TDRD12: variants seen among roughly 807,000 people sequenced by gnomAD.
TDRD12 encodes tudor domain containing 12.
A neutral mutation model predicts 133.5 loss-of-function variants in TDRD12; 158 were observed. The ratio of observed to expected loss-of-function variants is 1.18; its 90% CI spans 1.04 to 1.35. The LOEUF is 1.35. TDRD12 is among the 40% of genes most tolerant of loss of function. The pLI is 0.00. For synonymous variants in TDRD12, 460 were observed against 477.9 expected (o/e 0.96, Z 0.49); for missense variants, 1,443 against 1,321.3 (o/e 1.09, Z -1.43).
chr19:32,805,165 T>C (rs2097950076), intron 21 of TDRD12, among the ~76,000 whole-genome samples: 1 of 129,640 alleles, frequency 7.7e-6, no homozygotes, highest in African/African-American at 2.9e-5. Flanking sequence ...ATATATGTTA[T>C]ATATTATATA....
Position 32,790,817 on chromosome 19 carries a change from GT to G in TDRD12, c.1183-137del, listed in dbSNP as rs3217339. The G allele has an allele frequency of 4.5e-3, 5,905 of 1,308,734 alleles. 47 individuals are homozygous for G. Among genetic ancestry groups the G allele is most frequent in the African/African-American group, 0.029 (1,911 of 65,034 alleles). The allele number at this position is 1,308,734 out of a possible 1,614,324, so 81.1% of individuals were successfully genotyped here. A position where few individuals can be genotyped will look rare whatever the true frequency, so the allele number is the denominator to read the frequency against. On this transcript the variant is annotated intron_variant, in intron 12 of 27. Transcript: ENST00000444215. Reference sequence around the variant, plus strand: ...CGATCTTCCTTTTGGTAGTTTGGTGGTTTTTTTTTTCTTTTTTTTTAAGTAA... The same window carrying G: ...CGATCTTCCTTTTGGTAGTTTGGTGGTTTTTTTTTCTTTTTTTTTAAGTAA...
At chr19:32,759,328 G>A (rs192652295) in intron 8 of TDRD12, among the ~76,000 whole-genome samples, 9 of 152,156 alleles carry the variant, frequency 5.9e-5, no homozygotes, top group African/African-American at 2.2e-4. Flanking sequence ...GACCTTCCAA[G>A]AGCCTGCAAC....
At chr19:32,723,538 C>G (rs960018730) in intron 1 of TDRD12, among the ~76,000 whole-genome samples, 2 of 151,974 alleles carry the variant, frequency 1.3e-5, no homozygotes, top group Admixed American at 1.3e-4. Flanking sequence ...CATGAGCCAC[C>G]GTGCCTGGCC....
At chr19:32,795,450 C>G (rs1373095512) in intron 14 of TDRD12, among the ~76,000 whole-genome samples, 1 of 151,950 alleles carries the variant, frequency 6.6e-6, no homozygotes, top group Non-Finnish European at 1.5e-5. Flanking sequence ...GGGCATTGTT[C>G]TGACCATTTC....
At chr19:32,818,028 C>G in intron 26 of TDRD12, 61 bp from the exon 27 acceptor site, 1 of 702,184 alleles carries the variant, frequency 1.4e-6, no homozygotes, top group Admixed American at 2.0e-5. Flanking sequence ...CTACTGTCCC[C>G]AGACAGGCTC....
At chr19:32,815,748 C>G (rs1967157321) in intron 26 of TDRD12, 128 bp downstream of exon 26, 1 of 916,782 alleles carries the variant, frequency 1.1e-6, no homozygotes, top group African/African-American at 1.7e-5. Context: ...GTAATCCCAG[C>G]ACTTTGGGAG....
intron 7 of TDRD12, 74 bp from the exon 8 acceptor site, chr19:32,756,964 T>C: frequency 7.9e-7 from 1 of 1,258,942 alleles, no homozygotes; most frequent in South Asian, 1.3e-5. Flanking sequence ...GCAGAAGTAA[T>C]GTACTAACGA....
At chr19:32,803,002 C>A (rs541196125) in exon 21 of TDRD12, 1 of 1,536,064 alleles carries the variant, frequency 6.5e-7, no homozygotes, top group South Asian at 1.2e-5. Context: ...ATGCGGTGGG[C>A]GTCCTGCGCT....
At chr19:32,827,372 CTTTTTTTTTTTTT>C (rs549327733) in exon 10 of TDRD12, 8 of 122,404 alleles carry the variant, frequency 6.5e-5, no homozygotes, top group African/African-American at 4.2e-4. Context: ...CTTTTCTTTT[CTTTTTTTTTTTTT>C]TTTTTTTTTT....
At chr19:32,731,109 T>A (rs969402011) in intron 1 of TDRD12, among the ~76,000 whole-genome samples, 1 of 152,152 alleles carries the variant, frequency 6.6e-6, no homozygotes, top group Non-Finnish European at 1.5e-5. Context: ...CAAAATACAT[T>A]CCAGGAAGTC....
chr19:32,788,324 C>T (rs1290955941), intron 11 of TDRD12, among the ~76,000 whole-genome samples: 1 of 151,928 alleles, frequency 6.6e-6, no homozygotes, highest in Admixed American at 6.6e-5. Context: ...ATTGGCCAGG[C>T]TGGTCTCAAA....
exon 3 of TDRD12, chr19:32,738,861 T>G (rs1420376757): frequency 4.5e-6 from 7 of 1,550,788 alleles, no homozygotes; most frequent in Non-Finnish European, 6.1e-6. Flanking sequence ...TGCAGGTGTG[T>G]GTGGTCTATT....
In TDRD12 at chr19:32,800,304, C is replaced by T. The variant is rs140337503; in HGVS notation, c.1896C>T (p.Pro632=). The stretch of plus-strand genomic sequence containing the variant: ...TCATCAAAGAGTTCATGAATGATCC[C>T]TACATTGTGATCACAGCCATGGAAG... The change falls in exon 17 of 28, where the codon CCC becomes CCT. Residue 632 remains proline, a synonymous_variant. Coordinates refer to ENST00000444215, the Ensembl canonical transcript of TDRD12. The T allele has an allele frequency of 9.8e-4, 1,504 of 1,528,784 alleles. 7 individuals are homozygous for T. The African/African-American group carries it at 0.01, about 10-fold the overall frequency. The allele number at this position is 1,528,784 out of a possible 1,614,324, so 94.7% of individuals were successfully genotyped here. A position where few individuals can be genotyped will look rare whatever the true frequency, so the allele number is the denominator to read the frequency against.
chr19:32,801,453 C>CTG (rs779778849), intron 18 of TDRD12, among the ~76,000 whole-genome samples: 6 of 151,638 alleles, frequency 4.0e-5, no homozygotes, highest in African/African-American at 1.2e-4. Context: ...GCTGATGTGT[C>CTG]TGTGTGTGTG....
intron 6 of TDRD12, among the ~76,000 whole-genome samples, chr19:32,751,895 A>T (rs1297907940): frequency 1.3e-5 from 2 of 151,762 alleles, no homozygotes; most frequent in African/African-American, 4.8e-5. Context: ...TTTTTTTGAG[A>T]TGGAGTCTCA....
chr19:32,815,536 A>G, exon 26 of TDRD12: 1 of 1,536,496 alleles, frequency 6.5e-7, no homozygotes, highest in Non-Finnish European at 8.7e-7. Context: ...ATGGGCATTG[A>G]TAATCCAGAA....
At chr19:32,759,477 C>T (rs1970091543) in intron 8 of TDRD12, among the ~76,000 whole-genome samples, 1 of 151,248 alleles carries the variant, frequency 6.6e-6, no homozygotes, top group Non-Finnish European at 1.5e-5. Flanking sequence ...GTAGTGTGAT[C>T]ACAGCTCACT....
intron 13 of TDRD12, among the ~76,000 whole-genome samples, chr19:32,793,844 G>T (rs12609685): frequency 7.0e-6 from 1 of 142,290 alleles, no homozygotes; most frequent in African/African-American, 2.7e-5. Flanking sequence ...GCCCAGGCTG[G>T]AGTGCAATGG....
intron 1 of TDRD12, among the ~76,000 whole-genome samples, chr19:32,721,345 A>G (rs1968655927): frequency 6.6e-6 from 1 of 152,160 alleles, no homozygotes; most frequent in South Asian, 2.1e-4. Flanking sequence ...CAGGAGCTGG[A>G]CGTAGCAGAT....
Sources: gnomAD v4.1 joint callset for allele counts (sites outside exome capture counted in the v4.1 genomes callset) on GRCh38, gnomAD v4.1.1 for gene constraint, MANE v1.5 for transcripts, NCBI Gene and HGNC (gene_info 2026-07-23, HGNC 2026-07-21) for gene names.